Variants in PSD3 observed in about 807,000 individuals in gnomAD.
PSD3 encodes the protein PH and SEC7 domain-containing protein 3.
Under a neutral mutation model 105.5 loss-of-function variants are expected in PSD3, and 49 were observed. The observed-to-expected ratio is 0.46, with a 90% CI of 0.37 to 0.59. The LOEUF is 0.59. Ranked by LOEUF, PSD3 falls within the 20% of genes least tolerant of loss-of-function variation. PSD3 has a pLI of 0.00. For missense variants in PSD3, 1,561 were observed against 1,263.8 expected, an observed-to-expected ratio of 1.24 and a Z score of -3.57; for synonymous variants, 557 against 457.8, an observed-to-expected ratio of 1.22 and a Z score of -2.77.
intron 4 of PSD3, among the ~76,000 whole-genome samples, chr8:18,826,964 C>G (rs567173573): frequency 6.6e-6 from 1 of 152,284 alleles, no homozygotes; most frequent in East Asian, 1.9e-4. Context: ...ATAATAGTAT[C>G]AGCTCATACC....
At chr8:18,887,849 T>C (rs1818538005) in intron 2 of PSD3, among the ~76,000 whole-genome samples, 1 of 152,208 alleles carries the variant, frequency 6.6e-6, no homozygotes, top group Non-Finnish European at 1.5e-5. Context: ...ATAGAAAGTA[T>C]TTACTTATGT....
intron 1 of PSD3, among the ~76,000 whole-genome samples, chr8:19,067,962 A>G (rs1829131299): frequency 6.6e-6 from 1 of 152,178 alleles, no homozygotes; most frequent in African/African-American, 2.4e-5. Flanking sequence ...AAATCCCTCC[A>G]TCAGTCAGGC....
At chr8:18,717,299 C>T (rs548914072) in intron 9 of PSD3, among the ~76,000 whole-genome samples, 5 of 151,912 alleles carry the variant, frequency 3.3e-5, no homozygotes, top group Non-Finnish European at 5.9e-5. Context: ...TCTTAAGGAG[C>T]AGAACCACTT....
At chr8:18,589,214 C>T (rs2717732) in intron 12 of PSD3, among the ~76,000 whole-genome samples, 121,691 of 151,878 alleles carry the variant, frequency 0.8, 49,315 homozygotes, top group South Asian at 0.92. Context: ...CACAGGAAAA[C>T]AAGCTTATAG....
intron 2 of PSD3, among the ~76,000 whole-genome samples, chr8:18,877,756 G>A (rs1817830067): frequency 6.6e-6 from 1 of 151,884 alleles, no homozygotes; most frequent in Non-Finnish European, 1.5e-5. Context: ...TGCCCAGGCT[G>A]GTCTTGAACT....
intron 4 of PSD3, among the ~76,000 whole-genome samples, chr8:18,844,998 G>C (rs971366035): frequency 2.0e-5 from 3 of 152,198 alleles, no homozygotes; most frequent in African/African-American, 7.2e-5. Flanking sequence ...ATGGCTCAAA[G>C]CACGTCATGG....
intron 1 of PSD3, among the ~76,000 whole-genome samples, chr8:18,982,948 G>A (rs906627993): frequency 3.9e-5 from 6 of 152,182 alleles, no homozygotes; most frequent in African/African-American, 1.4e-4. Context: ...TTGAAGCCAG[G>A]CATTGACTTC....
chr8:18,838,362 C>T (rs530198684), intron 4 of PSD3, among the ~76,000 whole-genome samples: 2 of 152,132 alleles, frequency 1.3e-5, no homozygotes, highest in Admixed American at 6.5e-5. Context: ...AATCGTCTGA[C>T]CCTCCTTTGT....
intron 11 of PSD3, among the ~76,000 whole-genome samples, chr8:18,610,832 G>T (rs776541898): frequency 6.6e-6 from 1 of 151,964 alleles, no homozygotes; most frequent in African/African-American, 2.4e-5. Context: ...TGAAATGCCA[G>T]AAAGTATCAT....
At chr8:18,626,225 G>A (rs1806463510) in intron 11 of PSD3, among the ~76,000 whole-genome samples, 1 of 151,674 alleles carries the variant, frequency 6.6e-6, no homozygotes, top group Non-Finnish European at 1.5e-5. Flanking sequence ...GATGCAGTCT[G>A]ACAAACTGAA....
At chr8:18,925,212 C>T (rs1821286601) in intron 2 of PSD3, among the ~76,000 whole-genome samples, 1 of 152,112 alleles carries the variant, frequency 6.6e-6, no homozygotes, top group African/African-American at 2.4e-5. Flanking sequence ...CACAGCCAAA[C>T]CCCATCTCTA....
chr8:18,609,676 C>A (rs1179513443), intron 11 of PSD3, among the ~76,000 whole-genome samples: 1 of 152,180 alleles, frequency 6.6e-6, no homozygotes, highest in African/African-American at 2.4e-5. Flanking sequence ...GTTGAAGATA[C>A]AACTCACGCA....
chr8:19,006,501 T>A (rs2129474962), intron 1 of PSD3, among the ~76,000 whole-genome samples: 1 of 152,120 alleles, frequency 6.6e-6, no homozygotes, highest in African/African-American at 2.4e-5. Flanking sequence ...AATTAAAATG[T>A]ATTTCAACAG....
intron 9 of PSD3, among the ~76,000 whole-genome samples, chr8:18,744,334 G>A (rs1380602276): frequency 6.6e-6 from 1 of 152,134 alleles, no homozygotes; most frequent in East Asian, 1.9e-4. Context: ...TTGGTGCTAA[G>A]TATCAGAGAA....
intron 10 of PSD3, among the ~76,000 whole-genome samples, chr8:18,643,840 C>A (rs933958636): frequency 6.6e-6 from 1 of 152,222 alleles, no homozygotes; most frequent in African/African-American, 2.4e-5. Flanking sequence ...GCCTCTACAG[C>A]TCTTACATTC....
At chr8:18,736,403 AT>A (rs1283781516) in intron 9 of PSD3, among the ~76,000 whole-genome samples, 1 of 152,164 alleles carries the variant, frequency 6.6e-6, no homozygotes, top group African/African-American at 2.4e-5. Context: ...CACCATGAAA[AT>A]TTTTAAATGC....
At chr8:18,673,522 G>A (rs1373393445) in intron 9 of PSD3, among the ~76,000 whole-genome samples, 2 of 152,078 alleles carry the variant, frequency 1.3e-5, no homozygotes, top group Admixed American at 1.3e-4. Context: ...TCTTGGCATC[G>A]TCTCTGCCCC....
chr8:19,068,265 T>C (rs1012151540), intron 1 of PSD3, among the ~76,000 whole-genome samples: 16 of 151,778 alleles, frequency 1.1e-4, no homozygotes, highest in African/African-American at 3.9e-4. Flanking sequence ...AGATGGCCTT[T>C]CTTCTCGCTC....
intron 12 of PSD3, among the ~76,000 whole-genome samples, chr8:18,588,625 C>G (rs963551299): frequency 2.4e-4 from 36 of 152,174 alleles, no homozygotes; most frequent in African/African-American, 8.7e-4. Flanking sequence ...AGCAATTTCA[C>G]CCAACTTTGC....
Sources: allele counts gnomAD v4.1 joint callset (sites outside exome capture counted in the v4.1 genomes callset), GRCh38; gene constraint gnomAD v4.1.1; transcripts MANE v1.5; gene names NCBI Gene and HGNC (gene_info 2026-07-23, HGNC 2026-07-21).